Variants in PFKL observed in about 807,000 individuals in gnomAD.
The protein encoded by PFKL is ATP-dependent 6-phosphofructokinase, liver type.
PFKL carries 74 observed loss-of-function variants against 92.1 expected under a neutral mutation model. The ratio of observed to expected loss-of-function variants is 0.80; its 90% CI spans 0.67 to 0.97. PFKL has a LOEUF of 0.97. Ranked by LOEUF, PFKL falls within the 50% of genes least tolerant of loss-of-function variation. PFKL has a pLI of 0.00. For synonymous variants in PFKL, 494 were observed against 456.4 expected, an observed-to-expected ratio of 1.08 and a Z score of -1.05; for missense variants, 1,028 against 1,116.6, an observed-to-expected ratio of 0.92 and a Z score of 1.13.
At chr21:44,316,201 T>G (rs367646460) in intron 7 of PFKL, 43 bp from the exon 8 acceptor site, 2 of 1,583,324 alleles carry the variant, frequency 1.3e-6, no homozygotes, top group South Asian at 1.1e-5. Context: ...CCGGGGCAGG[T>G]TTCCCTGCCT....
At chr21:44,323,117 G>C (rs1025248217) in intron 15 of PFKL, 68 bp downstream of exon 15, 2 of 1,312,028 alleles carry the variant, frequency 1.5e-6, no homozygotes, top group Non-Finnish European at 2.2e-6. Flanking sequence ...CCGCCGAGGG[G>C]GCCCATCCTG....
In PFKL at chr21:44,306,678, C is replaced by T; in HGVS notation, c.86-3C>T. 1.2e-6 allele frequency: 2 copies of T among 1,613,418 alleles called. No individual in the cohort carries two copies. The highest frequency in any genetic ancestry group is 1.3e-5 in the African/African-American group (1 of 75,048). On this transcript the variant is annotated splice_polypyrimidine_tract_variant and splice_region_variant and intron_variant, in intron 1 of 21. Coordinates refer to ENST00000349048, the MANE Select transcript of PFKL (RefSeq NM_002626.6). ...ACTGACAGGTTTGCCCTGACCTCCA[C>T]AGGCATGAACGCTGCTGTCCGGGCT...
intron 10 of PFKL, 96 bp from the exon 11 acceptor site, chr21:44,319,255 C>A: frequency 9.4e-7 from 1 of 1,062,718 alleles, no homozygotes; most frequent in Non-Finnish European, 1.5e-6. Context: ...GAGATGCCGG[C>A]CAGATCTGCC....
intron 10 of PFKL, 65 bp downstream of exon 10, chr21:44,318,660 C>T: frequency 7.3e-7 from 1 of 1,363,668 alleles, no homozygotes; most frequent in Non-Finnish European, 9.7e-7. Flanking sequence ...CTCACAGGCC[C>T]CACTGCTCTC....
At chr21:44,319,235 C>A in intron 10 of PFKL, 116 bp from the exon 11 acceptor site, 2 of 848,922 alleles carry the variant, frequency 2.4e-6, no homozygotes, top group Admixed American at 1.9e-5. Context: ...CAGGCCTGGG[C>A]CAGGGTCAGG....
At chr21:44,300,357 C>T (rs1301870384) in intron 1 of PFKL, among the ~76,000 whole-genome samples, 167 bp downstream of exon 1, 1 of 151,824 alleles carries the variant, frequency 6.6e-6, no homozygotes, top group African/African-American at 2.4e-5. Flanking sequence ...CCCCGCTCTT[C>T]CCCGGCGCGG....
At position 44,320,293 on chromosome 21, in the gene PFKL, C is replaced by T. The variant is rs2047325221; in HGVS notation, c.1191+146C>T. ...TGTGAGCTGGGAGGGTGGGCCTGACCTCTGCCTGGGCTCAGGCACCACTGT... is the reference window on the plus strand; with the variant it reads ...TGTGAGCTGGGAGGGTGGGCCTGACTTCTGCCTGGGCTCAGGCACCACTGT... On this transcript the variant is annotated intron_variant, in intron 12 of 21. Transcript: ENST00000349048. The T allele has an allele frequency of 4.8e-6, 3 of 621,526 alleles. No homozygotes were observed. The South Asian group carries it at 6.3e-5, about 13-fold the overall frequency. The allele number at this position is 621,526 out of a possible 1,614,324, so 38.5% of individuals were successfully genotyped here.
chr21:44,305,499 C>A, intron 1 of PFKL: 1 of 1,198,078 alleles, frequency 8.3e-7, no homozygotes, highest in Non-Finnish European at 1.1e-6. Context: ...GGACAGAGGA[C>A]CCGCATGGCT....
intron 1 of PFKL, among the ~76,000 whole-genome samples, chr21:44,302,442 A>G (rs1445351554): frequency 1.3e-5 from 2 of 152,150 alleles, no homozygotes; most frequent in Non-Finnish European, 2.9e-5. Context: ...TGAGTTCGGA[A>G]AAGCAGTCTG....
chr21:44,312,125 C>T lies in PFKL; in HGVS notation c.258C>T (p.Ser86=), dbSNP rs140593126. The change falls in exon 4 of 22, where the codon AGC becomes AGT. Residue 86 remains serine, a synonymous_variant. Transcript: ENST00000349048. ...IIQLGGTIIG[S]ARCKAFTTRE... is the part of the protein sequence containing the mutation. Reference sequence around the variant, plus strand: ...TGCAGGGCGGCACTATCATTGGCAGCGCTCGCTGCAAGGCCTTTACCACCA... The same window carrying T: ...TGCAGGGCGGCACTATCATTGGCAGTGCTCGCTGCAAGGCCTTTACCACCA... The T allele has an allele frequency of 2.9e-4, 453 of 1,564,548 alleles. 3 individuals are homozygous for T. The highest frequency in any genetic ancestry group is 2.4e-3 in the African/African-American group (175 of 72,556).
At chr21:44,318,339 C>T (rs780193041) in intron 9 of PFKL, 131 bp from the exon 10 acceptor site, 75 of 976,192 alleles carry the variant, frequency 7.7e-5, no homozygotes, top group Non-Finnish European at 1.0e-4. Context: ...ATCTCTGATG[C>T]CACCTGTTCT....
chr21:44,320,307 A>G (rs987047202), intron 12 of PFKL, 160 bp downstream of exon 12: 1 of 554,090 alleles, frequency 1.8e-6, no homozygotes, highest in Admixed American at 3.4e-5. Flanking sequence ...GCCTGGGCTC[A>G]GGCACCACTG....
chr21:44,319,575 C>T lies in PFKL; in HGVS notation c.1127+160C>T, dbSNP rs115548149. The T allele has an allele frequency of 3.4e-3, 2,227 of 660,774 alleles. 79 individuals carry two copies. The Admixed American group carries it at 0.043, about 13-fold the overall frequency. The allele number at this position is 660,774 out of a possible 1,614,324, so 40.9% of individuals were successfully genotyped here. On this transcript the variant is annotated intron_variant, in intron 11 of 21. Transcript: ENST00000349048. ...AGGGGCCTGCGGGTGGTACAGGAGG[C>T]GGGCTGGGAGGTGTGGTACCACAGG...
chr21:44,302,797 C>T (rs1216061706), intron 1 of PFKL, among the ~76,000 whole-genome samples: 1 of 152,220 alleles, frequency 6.6e-6, no homozygotes, highest in Admixed American at 6.5e-5. Flanking sequence ...CTTGCAAGTT[C>T]CTTCCAGCCA....
At chr21:44,325,765 C>T (rs938930644) in intron 19 of PFKL, 196 bp from the exon 20 acceptor site, 2 of 581,036 alleles carry the variant, frequency 3.4e-6, no homozygotes, top group African/African-American at 3.7e-5. Context: ...GAGGCAGCTT[C>T]TGGCCTGGAC....
At chr21:44,302,171 G>T (rs1157813533) in intron 1 of PFKL, among the ~76,000 whole-genome samples, 1 of 152,260 alleles carries the variant, frequency 6.6e-6, no homozygotes, top group Non-Finnish European at 1.5e-5. Flanking sequence ...GGTGCCCACA[G>T]TGCACCTGCT....
chr21:44,311,143 C>T, intron 3 of PFKL, 60 bp downstream of exon 3: 1 of 1,290,590 alleles, frequency 7.7e-7, no homozygotes, highest in South Asian at 1.2e-5. Context: ...CACACAGAGA[C>T]AGACCTGCAC....
At chr21:44,313,525 GC>G (rs1343762440) in intron 5 of PFKL, 112 bp from the exon 6 acceptor site, 1 of 994,586 alleles carries the variant, frequency 1.0e-6, no homozygotes, top group African/African-American at 1.6e-5. Flanking sequence ...ATGAGAAGGG[GC>G]TGTCCCCTGC....
At chr21:44,314,104 C>G (rs1602023104) in intron 7 of PFKL, 83 bp downstream of exon 7, 1 of 911,406 alleles carries the variant, frequency 1.1e-6, no homozygotes, top group South Asian at 1.5e-5. Flanking sequence ...CCAGCCTTGA[C>G]CAACTCATCT....
Sources: allele counts gnomAD v4.1 joint callset (sites outside exome capture counted in the v4.1 genomes callset), GRCh38; gene constraint gnomAD v4.1.1; transcripts MANE v1.5; gene names NCBI Gene and HGNC (gene_info 2026-07-23, HGNC 2026-07-21).